SLC7A6: variants seen among roughly 807,000 people sequenced by gnomAD.
SLC7A6 encodes the protein Y+L amino acid transporter 2.
In SLC7A6, 29 loss-of-function variants were observed where a neutral mutation model predicts 46.6. The observed-to-expected ratio is 0.62, with a 90% CI of 0.46 to 0.85. The LOEUF is 0.85. Among genes scored for constraint, SLC7A6 ranks in the 40% least tolerant of loss-of-function variants. SLC7A6 has a pLI of 0.00. For synonymous variants in SLC7A6, 276 were observed against 257.3 expected (o/e 1.07, Z -0.70); for missense variants, 527 against 647.6 (o/e 0.81, Z 2.02).
intron 4 of SLC7A6, among the ~76,000 whole-genome samples, chr16:68,289,213 A>T (rs978177771): frequency 1.3e-5 from 2 of 152,114 alleles, no homozygotes; most frequent in Non-Finnish European, 2.9e-5. Flanking sequence ...GAATCGCCTT[A>T]AACTGGGAGG....
chr16:68,281,251 T>A (rs2042823830), intron 3 of SLC7A6, among the ~76,000 whole-genome samples: 1 of 152,236 alleles, frequency 6.6e-6, no homozygotes, highest in Non-Finnish European at 1.5e-5. Flanking sequence ...GATTTCAGGC[T>A]ATTTTATTTT....
chr16:68,294,415 T>G (rs1325933506), intron 7 of SLC7A6, among the ~76,000 whole-genome samples: 1 of 152,038 alleles, frequency 6.6e-6, no homozygotes, highest in African/African-American at 2.4e-5. Flanking sequence ...AGGCATCTGT[T>G]GGATGTTGGT....
At chr16:68,291,526 G>GT (rs751427791) in intron 6 of SLC7A6, 32 bp from the exon 7 acceptor site, 2 of 1,608,984 alleles carry the variant, frequency 1.2e-6, no homozygotes, top group African/African-American at 2.7e-5. Context: ...AACCCTGTGC[G>GT]TTTAAGTGCC....
In SLC7A6 at chr16:68,274,940, G is replaced by C. The variant is rs2042682603; in HGVS notation, c.214G>C (p.Val72Leu). The change falls in exon 3 of 11, where the codon GTA (valine) becomes CTA (leucine). Residue 72 changes from valine to leucine, a missense_variant. By Grantham distance (32) the Val-to-Leu change is conservative. Coordinates refer to ENST00000219343, the MANE Select transcript of SLC7A6 (RefSeq NM_003983.6). Reference protein sequence around the residue: ...GIFVSPKGVLVHTASYGMSLI... With the variant: ...GIFVSPKGVLLHTASYGMSLI... ...CTTTGTCTCACCCAAGGGTGTGCTG[G>C]TACACACTGCCTCCTATGGGATGTC... is the stretch of plus-strand genomic sequence containing the variant. The C allele has an allele frequency of 6.2e-7, 1 of 1,614,082 alleles. No homozygotes were observed. Among genetic ancestry groups the C allele is most frequent in the African/African-American group, 1.3e-5 (1 of 74,910 alleles).
intron 4 of SLC7A6, among the ~76,000 whole-genome samples, chr16:68,289,443 G>A (rs2043004119): frequency 6.6e-6 from 1 of 152,184 alleles, no homozygotes; most frequent in Non-Finnish European, 1.5e-5. Context: ...ATTGGGTTTT[G>A]AGTAATCCTC....
At chr16:68,293,929 C>T (rs1452403156) in intron 7 of SLC7A6, among the ~76,000 whole-genome samples, 1 of 152,062 alleles carries the variant, frequency 6.6e-6, no homozygotes, top group Non-Finnish European at 1.5e-5. Context: ...TGGAGTTTTA[C>T]TCTTGTTGCC....
chr16:68,276,472 T>C (rs1401082295), intron 3 of SLC7A6, among the ~76,000 whole-genome samples: 2 of 152,188 alleles, frequency 1.3e-5, no homozygotes, highest in Non-Finnish European at 2.9e-5. Flanking sequence ...TGAGAGTACC[T>C]TGGAGTTAGC....
chr16:68,290,770 G>A (rs1037056286), intron 5 of SLC7A6: 1 of 559,594 alleles, frequency 1.8e-6, no homozygotes, highest in Non-Finnish European at 3.2e-6. Context: ...CCTTCCTAGA[G>A]GAGAGGGCCT....
At chr16:68,276,703 AAT>A (rs559126413) in intron 3 of SLC7A6, among the ~76,000 whole-genome samples, 109 of 152,284 alleles carry the variant, frequency 7.2e-4, no homozygotes, top group African/African-American at 2.5e-3. Flanking sequence ...CTGATTATAA[AAT>A]ATGTTTATTA....
chr16:68,287,928 C>G, intron 4 of SLC7A6, 57 bp downstream of exon 4: 3 of 1,592,488 alleles, frequency 1.9e-6, no homozygotes, highest in Non-Finnish European at 2.6e-6. Flanking sequence ...CTGAGGAGAA[C>G]ATGGCGACTC....
chr16:68,274,289 TG>T (rs2042671051), intron 2 of SLC7A6, among the ~76,000 whole-genome samples: 4 of 152,208 alleles, frequency 2.6e-5, no homozygotes. Context: ...CCTTTTAGGC[TG>T]GTGATGACTG....
intron 7 of SLC7A6, 94 bp downstream of exon 7, chr16:68,291,755 C>G: frequency 1.5e-6 from 1 of 677,622 alleles, no homozygotes; most frequent in Non-Finnish European, 2.4e-6. Context: ...TTCTCATGGG[C>G]ATATAGGGTG....
chr16:68,278,388 G>A (rs1364443325), intron 3 of SLC7A6, among the ~76,000 whole-genome samples: 1 of 151,852 alleles, frequency 6.6e-6, no homozygotes, highest in African/African-American at 2.4e-5. Flanking sequence ...ATAGTGGAGG[G>A]AAGGTCAGCA....
At position 68,296,700 on chromosome 16, in the gene SLC7A6, C is replaced by T; in HGVS notation, c.1343C>T (p.Thr448Ile). 6.2e-7 allele frequency: 1 copy of T among 1,614,204 alleles called. No homozygotes were observed. Among genetic ancestry groups the T allele is most frequent in the Non-Finnish European group, 8.5e-7 (1 of 1,180,034 alleles). ...FLVIVPLFTD[T>I]INSLIGIGIA... ...GTGATAGTGCCCCTCTTCACTGACA[C>T]CATTAATTCCCTCATTGGCATCGGG... The change falls in exon 10 of 11, where the codon ACC (threonine) becomes ATC (isoleucine). Residue 448 changes from threonine to isoleucine, a missense_variant. Physicochemically the swap from Thr to Ile is moderately conservative, Grantham distance 89 (BLOSUM62 -1). Transcript: ENST00000219343.
chr16:68,294,047 G>A (rs2043112170), intron 7 of SLC7A6, among the ~76,000 whole-genome samples: 2 of 152,144 alleles, frequency 1.3e-5, no homozygotes, highest in African/African-American at 4.8e-5. Context: ...ACAGGCATGT[G>A]CTACCGCGCC....
intron 3 of SLC7A6, chr16:68,287,254 A>C: frequency 8.7e-7 from 1 of 1,154,974 alleles, no homozygotes; most frequent in Non-Finnish European, 1.1e-6. Flanking sequence ...CTGGGATTAC[A>C]GGTGTGAGCC....
intron 8 of SLC7A6, 37 bp from the exon 9 acceptor site, chr16:68,296,327 G>C: frequency 6.2e-7 from 1 of 1,612,088 alleles, no homozygotes. Context: ...CGCAGGTGGT[G>C]ACGATGCTCA....
rs148223127 is a variant in SLC7A6, at chr16:68,298,488, C to G, written c.*1160C>G. 1 of 152,400 alleles carries G rather than the reference C, an allele frequency of 6.6e-6. No individual in the cohort carries two copies. Among genetic ancestry groups the G allele is most frequent in the African/African-American group, 2.4e-5 (1 of 41,568 alleles). 9.4% of individuals were successfully genotyped at this position (152,400 alleles called of 1,614,324 possible). A position where few individuals can be genotyped will look rare whatever the true frequency, so the allele number is the denominator to read the frequency against. On this transcript the variant is annotated 3_prime_UTR_variant, in exon 11 of 11. Coordinates refer to ENST00000219343, the MANE Select transcript of SLC7A6 (RefSeq NM_003983.6). ...CTGCATCCTCTTCTGTCCCTGGCAC[C>G]AGGCTTTGTTTACACTTGGAGCCAC...
chr16:68,286,436 C>A (rs1050905161), intron 3 of SLC7A6, among the ~76,000 whole-genome samples: 1 of 152,010 alleles, frequency 6.6e-6, no homozygotes, highest in Non-Finnish European at 1.5e-5. Context: ...TGTGTGTGTA[C>A]GGTACGAGTA....
Sources: allele counts gnomAD v4.1 joint callset (sites outside exome capture counted in the v4.1 genomes callset), GRCh38; gene constraint gnomAD v4.1.1; transcripts MANE v1.5; gene names NCBI Gene and HGNC (gene_info 2026-07-23, HGNC 2026-07-21).